Variants in LARP1B observed in about 807,000 individuals in gnomAD.
The protein encoded by LARP1B is la-related protein 1B.
Under a neutral mutation model 114.2 loss-of-function variants are expected in LARP1B, and 76 were observed. That is an observed-to-expected ratio of 0.67 (90% CI 0.55 to 0.81). LARP1B has a LOEUF of 0.81. Among genes scored for constraint, LARP1B ranks in the 30% least tolerant of loss-of-function variants. The pLI, the probability that LARP1B is intolerant of heterozygous loss-of-function variation, is 0.00. For missense variants in LARP1B, 1,014 were observed against 1,075.8 expected, an observed-to-expected ratio of 0.94 and a Z score of 0.80; for synonymous variants, 345 against 348.0, an observed-to-expected ratio of 0.99 and a Z score of 0.10.
At chr4:128,161,107 G>A (rs1220143048) in intron 11 of LARP1B, among the ~76,000 whole-genome samples, 2 of 152,108 alleles carry the variant, frequency 1.3e-5, no homozygotes, top group Non-Finnish European at 2.9e-5. Context: ...GGTTTTATTG[G>A]GAAAAACTTA....
At chr4:128,095,421 G>A (rs1478032453) in intron 7 of LARP1B, among the ~76,000 whole-genome samples, 3 of 150,502 alleles carry the variant, frequency 2.0e-5, no homozygotes, top group African/African-American at 2.4e-5. Context: ...CCTGTGAGGC[G>A]GAGGTCGCAG....
intron 11 of LARP1B, 103 bp from the exon 12 acceptor site, chr4:128,162,091 A>G: frequency 1.0e-6 from 1 of 992,052 alleles, no homozygotes; most frequent in Non-Finnish European, 1.5e-6. Context: ...ATTGTAATTA[A>G]TCCCTGTTTT....
intron 17 of LARP1B, among the ~76,000 whole-genome samples, chr4:128,204,390 C>T (rs1023079423): frequency 2.6e-5 from 4 of 152,012 alleles, no homozygotes; most frequent in Non-Finnish European, 5.9e-5. Context: ...CGTGGTGGCT[C>T]ATGCCTGTAA....
chr4:128,107,405 T>C, intron 9 of LARP1B, 92 bp downstream of exon 9: 1 of 1,533,336 alleles, frequency 6.5e-7, no homozygotes, highest in Non-Finnish European at 8.8e-7. Context: ...TTATTTAGAT[T>C]TGATAGGAAA....
chr4:128,073,715 T>TGAG (rs1165370315), intron 1 of LARP1B, among the ~76,000 whole-genome samples: 1 of 143,666 alleles, frequency 7.0e-6, no homozygotes, highest in Non-Finnish European at 1.5e-5. Context: ...CTCAGCCTTC[T>TGAG]GAGTAGCTGG....
At chr4:128,067,507 C>G (rs1763462987) in intron 1 of LARP1B, among the ~76,000 whole-genome samples, 2 of 152,076 alleles carry the variant, frequency 1.3e-5, no homozygotes, top group Non-Finnish European at 2.9e-5. Context: ...TTCTTGATGC[C>G]TCGGCCCTTG....
Position 128,211,586 on chromosome 4 carries a change from G to A in LARP1B, c.*1533G>A, listed in dbSNP as rs1758993619. On this transcript the variant is annotated 3_prime_UTR_variant, in exon 20 of 20. Transcript: ENST00000326639. ...TATTTAGATATATTGTAAAGAGGGTGCAAAACAAGCAATGGGTTAGAATAA... is the reference window on the plus strand; with the variant it reads ...TATTTAGATATATTGTAAAGAGGGTACAAAACAAGCAATGGGTTAGAATAA... The A allele has an allele frequency of 2.1e-6, 2 of 944,304 alleles. No individual in the cohort carries two copies. Among genetic ancestry groups the A allele is most frequent in the African/African-American group, 1.8e-5 (1 of 56,290 alleles). The allele number at this position is 944,304 out of a possible 1,614,324, so 58.5% of individuals were successfully genotyped here.
intron 6 of LARP1B, among the ~76,000 whole-genome samples, chr4:128,219,641 G>A (rs1180854841): frequency 1.5e-4 from 17 of 114,522 alleles, no homozygotes; most frequent in African/African-American, 5.7e-4. Context: ...TCTGGGGACT[G>A]TGGTGGGGTG....
chr4:128,196,465 GCCATGA>G (rs1292349903), intron 15 of LARP1B, among the ~76,000 whole-genome samples: 1 of 151,844 alleles, frequency 6.6e-6, no homozygotes, highest in Non-Finnish European at 1.5e-5. Flanking sequence ...GCTGCAGTGA[GCCATGA>G]CCATGCCACT....
At chr4:128,200,019 G>C (rs1174016691) in intron 16 of LARP1B, among the ~76,000 whole-genome samples, 2 of 152,198 alleles carry the variant, frequency 1.3e-5, no homozygotes, top group Non-Finnish European at 2.9e-5. Flanking sequence ...CTGGGAGGCA[G>C]AGGTTGCAGT....
At chr4:128,113,676 C>A (rs1205433404) in intron 9 of LARP1B, among the ~76,000 whole-genome samples, 2 of 151,940 alleles carry the variant, frequency 1.3e-5, no homozygotes, top group East Asian at 3.9e-4. Flanking sequence ...TAAAAATAAA[C>A]CTACAGAAGT....
chr4:128,200,422 T>A, intron 16 of LARP1B, 99 bp from the exon 17 acceptor site: 1 of 785,984 alleles, frequency 1.3e-6, no homozygotes, highest in Non-Finnish European at 1.9e-6. Context: ...ACTTTGAGGA[T>A]TAATATGGTT....
In LARP1B at chr4:128,211,174, A is replaced by G. The variant is rs1278585454; in HGVS notation, c.*1121A>G. ...TTTTAATTATTTTTATTTAGAATAT[A>G]GTTGAAAAGCTGTAATATTCAGTTT... On this transcript the variant is annotated 3_prime_UTR_variant, in exon 20 of 20. Transcript: ENST00000326639. 5 of 919,076 alleles carry G rather than the reference A, an allele frequency of 5.4e-6. No individual in the cohort carries two copies. The highest frequency in any genetic ancestry group is 1.2e-4 in the Admixed American group (2 of 16,168). The allele number at this position is 919,076 out of a possible 1,614,324, so 56.9% of individuals were successfully genotyped here. A position where few individuals can be genotyped will look rare whatever the true frequency, so the allele number is the denominator to read the frequency against.
At position 128,106,988 on chromosome 4, in the gene LARP1B, T is replaced by G; in HGVS notation, c.814-151T>G. ...TTACAGGTGCAAATGATTTTAAAAC[T>G]TGTGTTCTATGTGGTTAACTTATGG... On this transcript the variant is annotated intron_variant, in intron 8 of 19. Coordinates refer to ENST00000326639, the MANE Select transcript of LARP1B (RefSeq NM_018078.4). 4.9e-6 allele frequency: 3 copies of G among 611,802 alleles called. No individual in the cohort carries two copies. The South Asian group carries it at 6.7e-5, about 14-fold the overall frequency. 37.9% of individuals were successfully genotyped at this position (611,802 alleles called of 1,614,324 possible).
At chr4:128,214,084 G>A (rs371595223), downstream of LARP1B, among the ~76,000 whole-genome samples, 14 of 145,744 alleles carry the variant, frequency 9.6e-5, no homozygotes, top group East Asian at 1.4e-3. Flanking sequence ...CGAATATTGC[G>A]CTTTTCAGAC....
At chr4:128,098,767 A>ATATATATT (rs1328165907) in intron 8 of LARP1B, among the ~76,000 whole-genome samples, 2 of 35,034 alleles carry the variant, frequency 5.7e-5, no homozygotes, top group South Asian at 1.2e-3. Flanking sequence ...ATATATATAT[A>ATATATATT]TTTTTTTTTT....
chr4:128,082,082 G>A (rs1770725930), intron 4 of LARP1B, 83 bp from the exon 5 acceptor site: 1 of 1,251,170 alleles, frequency 8.0e-7, no homozygotes, highest in African/African-American at 1.5e-5. Context: ...TCACTTATTT[G>A]ATTAAAGTTC....
chr4:128,073,588 T>TGTTTTG (rs1561056879), intron 1 of LARP1B, among the ~76,000 whole-genome samples: 67 of 39,894 alleles, frequency 1.7e-3, no homozygotes, highest in African/African-American at 5.4e-3. Flanking sequence ...TTTTTTTTTT[T>TGTTTTG]TTTTTTTTTT....
At chr4:128,159,331 A>G (rs1737319743) in intron 11 of LARP1B, among the ~76,000 whole-genome samples, 1 of 152,186 alleles carries the variant, frequency 6.6e-6, no homozygotes, top group African/African-American at 2.4e-5. Context: ...TATTATTACC[A>G]CAAAGTTCTC....
Sources: gnomAD v4.1 joint callset for allele counts (sites outside exome capture counted in the v4.1 genomes callset) on GRCh38, gnomAD v4.1.1 for gene constraint, MANE v1.5 for transcripts, NCBI Gene and HGNC (gene_info 2026-07-23, HGNC 2026-07-21) for gene names.